The following SLC23A2 variants were observed in gnomAD, a reference collection of about 807,000 sequenced individuals.
SLC23A2 encodes solute carrier family 23 member 2, also known as Na(+)/L-ascorbic acid transporter 2.
A neutral mutation model predicts 73.3 loss-of-function variants in SLC23A2; 36 were observed. That is an observed-to-expected ratio of 0.49 (90% CI 0.38 to 0.65). The LOEUF (loss-of-function observed/expected upper bound fraction) is 0.65. Ranked by LOEUF, SLC23A2 falls within the 30% of genes least tolerant of loss-of-function variation. SLC23A2 has a pLI of 0.00. For missense variants in SLC23A2, 507 were observed against 841.6 expected, an observed-to-expected ratio of 0.60 and a Z score of 4.92; for synonymous variants, 343 against 327.3, an observed-to-expected ratio of 1.05 and a Z score of -0.52.
chr20:4,870,869 A>G (rs1930422333), intron 11 of SLC23A2, among the ~76,000 whole-genome samples: 1 of 152,256 alleles, frequency 6.6e-6, no homozygotes. Flanking sequence ...CTTCTCTACT[A>G]TAATACCAGA....
At chr20:4,979,052 T>C (rs1336083770) in intron 1 of SLC23A2, among the ~76,000 whole-genome samples, 3 of 152,138 alleles carry the variant, frequency 2.0e-5, no homozygotes, top group African/African-American at 7.2e-5. Context: ...CCCAGTACTT[T>C]GGGAGGCTGA....
chr20:4,880,611 A>G (rs6116563), intron 9 of SLC23A2, among the ~76,000 whole-genome samples: 9,615 of 152,152 alleles, frequency 0.063, 354 homozygotes, highest in Middle Eastern at 0.095. Context: ...AGACAAAGAG[A>G]TAGAAAACAG....
At chr20:4,905,559 C>G (rs901075052) in intron 4 of SLC23A2, among the ~76,000 whole-genome samples, 1 of 152,144 alleles carries the variant, frequency 6.6e-6, no homozygotes, top group African/African-American at 2.4e-5. Context: ...ATCTAAAGAA[C>G]AAAAAAACTG....
Position 4,870,011 on chromosome 20 carries a change from C to A in SLC23A2, c.1145G>T (p.Gly382Val). 6.2e-7 allele frequency: 1 copy of A among 1,612,854 alleles called. No individual in the cohort carries two copies. Among genetic ancestry groups the A allele is most frequent in the Non-Finnish European group, 8.5e-7 (1 of 1,179,356 alleles). Residue 382 changes from glycine (G) to valine (V), a missense_variant, in exon 12 of 17, where the codon GGC (glycine) becomes GTC (valine). This residue lies in a region of SLC23A2 where 217 missense variants were observed against 398.0 expected (regional missense o/e 0.55). Transcript: ENST00000338244. Reference protein sequence around the residue: ...LPTVSAAGVIGMLSAVVASII... With the variant: ...LPTVSAAGVIVMLSAVVASII... The stretch of plus-strand genomic sequence containing the variant: ...GCTGGCGACCACGGCACTGAGCATG[C>A]CGATGACACCGGCCGCAGACACGGT...
intron 9 of SLC23A2, among the ~76,000 whole-genome samples, chr20:4,875,443 C>T (rs8123436): frequency 0.23 from 34,477 of 152,048 alleles, 3,992 homozygotes; most frequent in Middle Eastern, 0.28. Context: ...CAAGATCACA[C>T]GGCTAGGGTT....
At chr20:4,955,379 AC>A (rs2087269137) in intron 2 of SLC23A2, among the ~76,000 whole-genome samples, 1 of 151,870 alleles carries the variant, frequency 6.6e-6, no homozygotes. Flanking sequence ...ACACACACAC[AC>A]ACACACACAC....
At chr20:4,974,427 A>C (rs186602456) in intron 1 of SLC23A2, among the ~76,000 whole-genome samples, 15 of 152,274 alleles carry the variant, frequency 9.9e-5, no homozygotes, top group African/African-American at 3.6e-4. Flanking sequence ...GAGATCGCGC[A>C]TTGCACTCCA....
intron 11 of SLC23A2, among the ~76,000 whole-genome samples, chr20:4,871,346 G>A (rs1023859308): frequency 6.6e-5 from 10 of 152,132 alleles, no homozygotes; most frequent in Non-Finnish European, 1.2e-4. Context: ...GGCGAAGTCG[G>A]GCCCTGGCCA....
chr20:4,971,173 A>C (rs534227097), intron 1 of SLC23A2, among the ~76,000 whole-genome samples: 1 of 152,164 alleles, frequency 6.6e-6, no homozygotes, highest in South Asian at 2.1e-4. Context: ...AACACCTATA[A>C]AAAAACTTTT....
chr20:4,999,265 G>C (rs1329873737), intron 1 of SLC23A2, among the ~76,000 whole-genome samples: 2 of 152,158 alleles, frequency 1.3e-5, no homozygotes, highest in Non-Finnish European at 2.9e-5. Flanking sequence ...CCACAAACTA[G>C]ACCTTAGGCT....
At chr20:4,867,103 C>A (rs963834711) in intron 13 of SLC23A2, among the ~76,000 whole-genome samples, 1 of 149,562 alleles carries the variant, frequency 6.7e-6, no homozygotes, top group Non-Finnish European at 1.5e-5. Flanking sequence ...CTGCTCCCTG[C>A]AGCACTCCCT....
rs192650209 is a variant in SLC23A2 at position 4,905,693 on chromosome 20, G to A, written c.208-3135C>T. ...TATCTAGTCTAGCACCTTTGGGGTC[G>A]ATTGTAGTCTCTTTCTCTAGGAAAT... On this transcript the variant is annotated intron_variant, in intron 4 of 16. Coordinates refer to ENST00000338244, the MANE Select transcript of SLC23A2 (RefSeq NM_005116.6). 1.4e-4 allele frequency among the ~76,000 whole-genome samples: 21 copies of A among 152,262 alleles called. No individual in the cohort carries two copies. In the East Asian group the frequency reaches 3.7e-3, roughly 27 times the overall value.
intron 6 of SLC23A2, among the ~76,000 whole-genome samples, chr20:4,886,348 T>C (rs1931095650): frequency 1.3e-5 from 2 of 152,234 alleles, no homozygotes; most frequent in South Asian, 4.1e-4. Context: ...CAAATTTCCC[T>C]CCGTTGTTTC....
At chr20:4,944,431 G>A (rs1000520420) in intron 2 of SLC23A2, among the ~76,000 whole-genome samples, 24 of 152,132 alleles carry the variant, frequency 1.6e-4, no homozygotes, top group African/African-American at 5.8e-4. Flanking sequence ...TAGAGACAGG[G>A]TTTCACCATC....
chr20:4,871,778 T>A (rs1930458716), intron 11 of SLC23A2, among the ~76,000 whole-genome samples: 1 of 152,120 alleles, frequency 6.6e-6, no homozygotes, highest in Non-Finnish European at 1.5e-5. Flanking sequence ...ACGTATCAGC[T>A]CCAGGTTAAT....
Position 4,887,768 on chromosome 20 carries a change from G to A in SLC23A2, c.483-1859C>T, listed in dbSNP as rs573990628. Reference sequence around the variant, plus strand: ...AGGGCTGCTCATGCCAGCATTATGTGTTCACGTCTAGCCAGGCAACACCGC... The same window carrying A: ...AGGGCTGCTCATGCCAGCATTATGTATTCACGTCTAGCCAGGCAACACCGC... On this transcript the variant is annotated intron_variant, in intron 6 of 16. Coordinates refer to ENST00000338244, the MANE Select transcript of SLC23A2 (RefSeq NM_005116.6). 3.3e-5 allele frequency among the ~76,000 whole-genome samples: 5 copies of A among 152,302 alleles called. No homozygotes were observed. In the East Asian group the frequency reaches 9.6e-4, roughly 29 times the overall value.
At chr20:4,935,114 G>A (rs1474596396) in intron 2 of SLC23A2, among the ~76,000 whole-genome samples, 6 of 149,214 alleles carry the variant, frequency 4.0e-5, no homozygotes, top group Non-Finnish European at 8.9e-5. Flanking sequence ...GTGAACCCAG[G>A]AGGCGGAGTT....
chr20:4,879,430 A>AAAAAAAAAAAAAAAAAC (rs1930793866), intron 9 of SLC23A2, among the ~76,000 whole-genome samples: 1 of 151,380 alleles, frequency 6.6e-6, no homozygotes, highest in African/African-American at 2.4e-5. Context: ...AAAAAAAAAA[A>AAAAAAAAAAAAAAAAAC]AAATCCTCCT....
chr20:4,992,351 G>T (rs2087938956), intron 1 of SLC23A2, among the ~76,000 whole-genome samples: 1 of 151,898 alleles, frequency 6.6e-6, no homozygotes, highest in Non-Finnish European at 1.5e-5. Context: ...ATAAACTAGA[G>T]GGGACAAATA....
Sources: allele counts gnomAD v4.1 joint callset (sites outside exome capture counted in the v4.1 genomes callset), GRCh38; gene constraint gnomAD v4.1.1; regional missense constraint gnomAD v4.1.1; transcripts MANE v1.5; gene names NCBI Gene and HGNC (gene_info 2026-07-23, HGNC 2026-07-21).